Variants in BICD2 observed in about 807,000 individuals in gnomAD.
BICD2 encodes BICD cargo adaptor 2.
Under a neutral mutation model 72.9 loss-of-function variants are expected in BICD2, and 25 were observed. That is an observed-to-expected ratio of 0.34 (90% confidence interval 0.25 to 0.48). The LOEUF is 0.48. BICD2 is among the 20% of genes least tolerant of loss of function. The pLI is 0.99. For missense variants in BICD2, 894 were observed against 1,175.2 expected (o/e 0.76, Z 3.50); for synonymous variants, 501 against 516.1 (o/e 0.97, Z 0.40).
intron 1 of BICD2, among the ~76,000 whole-genome samples, chr9:92,735,429 C>A (rs752150084): frequency 1.8e-4 from 27 of 151,884 alleles, no homozygotes; most frequent in Non-Finnish European, 2.8e-4. Flanking sequence ...ATTTCAAAAA[C>A]CACATGGGGT....
Position 92,720,038 on chromosome 9 carries a change from T to C in BICD2, c.1062+262A>G, listed in dbSNP as rs1853427123. Among the ~76,000 whole-genome samples the C allele has an allele frequency of 6.6e-6, 1 of 152,206 alleles. No homozygotes were observed. Among genetic ancestry groups the C allele is most frequent in the African/African-American group, 2.4e-5 (1 of 41,462 alleles). On this transcript the variant is annotated intron_variant, in intron 4 of 6. Coordinates refer to ENST00000356884, the MANE Select transcript of BICD2 (RefSeq NM_001003800.2). This position sits in a 1 kb window ranked among gnomAD's most constrained non-coding sequence, Gnocchi z 5.4. ...CTGGCCTGCGTGCAGGGATCACATGTGGGCCAGTGTCTCATCACTTCACCC... is the reference window on the plus strand; with the variant it reads ...CTGGCCTGCGTGCAGGGATCACATGCGGGCCAGTGTCTCATCACTTCACCC...
intron 1 of BICD2, among the ~76,000 whole-genome samples, chr9:92,743,306 C>T (rs191312445): frequency 3.8e-4 from 57 of 151,924 alleles, no homozygotes; most frequent in African/African-American, 1.3e-3. Flanking sequence ...AATCCTCCTG[C>T]CTCAGCCTCC....
At chr9:92,717,465 C>A (rs1853341178) in intron 6 of BICD2, among the ~76,000 whole-genome samples, 1 of 152,248 alleles carries the variant, frequency 6.6e-6, no homozygotes, top group South Asian at 2.1e-4. Flanking sequence ...CACATGTGGG[C>A]ACCTGCCAGG....
At chr9:92,747,980 C>G (rs1165150326) in intron 1 of BICD2, among the ~76,000 whole-genome samples, 1 of 152,180 alleles carries the variant, frequency 6.6e-6, no homozygotes, top group African/African-American at 2.4e-5. Flanking sequence ...GCTGAGAGTG[C>G]AGAATATGAA....
At position 92,764,419 on chromosome 9, in the gene BICD2, C is replaced by G; in HGVS notation, c.240+86G>C. 1 of 1,368,306 alleles carries G rather than the reference C, an allele frequency of 7.3e-7. No individual in the cohort carries two copies. Among genetic ancestry groups the G allele is most frequent in the Non-Finnish European group, 9.4e-7 (1 of 1,064,162 alleles). The allele number at this position is 1,368,306 out of a possible 1,614,324, so 84.8% of individuals were successfully genotyped here. The stretch of plus-strand genomic sequence containing the variant: ...CCCCTGCCGGCCCCCGCTTGGCAAG[C>G]TGACCTTGGCCGCCCTGGTGCCAGG... On this transcript the variant is annotated intron_variant, in intron 1 of 6. Coordinates refer to ENST00000356884, the MANE Select transcript of BICD2 (RefSeq NM_001003800.2). The surrounding 1 kb of genome is among the most constrained non-coding windows in gnomAD (Gnocchi z 5.5).
rs931037835 is a variant in BICD2, at chr9:92,712,527, G to A, written c.*2627C>T. ...GAATTTTCTAAGTGTACCACAATTT[G>A]GCACAACAACCAGAGTAACAAAACA... On this transcript the variant is annotated 3_prime_UTR_variant, in exon 7 of 7. Transcript: ENST00000356884. 4 of 152,482 alleles carry A rather than the reference G, an allele frequency of 2.6e-5. No homozygotes were observed. The highest frequency in any genetic ancestry group is 9.7e-5 in the African/African-American group (4 of 41,416). The allele number at this position is 152,482 out of a possible 1,614,324, so 9.4% of individuals were successfully genotyped here.
At chr9:92,763,216 C>T (rs1020991417) in intron 1 of BICD2, among the ~76,000 whole-genome samples, 1 of 152,180 alleles carries the variant, frequency 6.6e-6, no homozygotes, top group Non-Finnish European at 1.5e-5. Flanking sequence ...TGGATTCATT[C>T]TCTGCTCTCC....
intron 5 of BICD2, 38 bp from the exon 6 acceptor site, chr9:92,717,986 G>A (rs796639407): frequency 5.0e-6 from 8 of 1,601,682 alleles, no homozygotes; most frequent in East Asian, 4.5e-5. Flanking sequence ...AGTGAAAGGC[G>A]TGAAGTCAGC....
chr9:92,758,006 C>T (rs1347352169), intron 1 of BICD2, among the ~76,000 whole-genome samples: 2 of 151,530 alleles, frequency 1.3e-5, no homozygotes, highest in East Asian at 3.9e-4. Flanking sequence ...CAGTTTGAGA[C>T]CAGTCTGACC....
At chr9:92,719,882 C>G (rs184779082) in intron 4 of BICD2, among the ~76,000 whole-genome samples, 2 of 152,346 alleles carry the variant, frequency 1.3e-5, no homozygotes, top group Admixed American at 1.3e-4. Context: ...TCTAGGCTGG[C>G]TGGGTGTGTA....
chr9:92,718,821 C>A lies in BICD2; in HGVS notation c.1824G>T (p.Ser608=). Residue 608 remains serine, a synonymous_variant, in exon 5 of 7, where the codon TCG becomes TCT. Transcript: ENST00000356884. ...ADGGTGDSSP[S]PGSSLPSPLS... ...GGGGTGATGGCAGTGAGGAGCCAGG[C>A]GAGGGGCTGCTGTCCCCCGTCCCAC... 6.2e-7 allele frequency: 1 copy of A among 1,612,244 alleles called. No homozygotes were observed. Among genetic ancestry groups the A allele is most frequent in the African/African-American group, 1.3e-5 (1 of 75,016 alleles).
chr9:92,735,234 G>C (rs934844401), intron 1 of BICD2, among the ~76,000 whole-genome samples: 1 of 152,196 alleles, frequency 6.6e-6, no homozygotes, highest in African/African-American at 2.4e-5. Flanking sequence ...CCACACCCAT[G>C]TGACTATAGC....
Position 92,714,997 on chromosome 9 carries a change from A to G in BICD2, c.*157T>C. 1.4e-6 allele frequency: 2 copies of G among 1,416,022 alleles called. No homozygotes were observed. The highest frequency in any genetic ancestry group is 1.8e-6 in the Non-Finnish European group (2 of 1,086,532). 87.7% of individuals were successfully genotyped at this position (1,416,022 alleles called of 1,614,324 possible). On this transcript the variant is annotated 3_prime_UTR_variant, in exon 7 of 7. Coordinates refer to ENST00000356884, the MANE Select transcript of BICD2 (RefSeq NM_001003800.2). ...TGAGAAGCGACACAAAGCTCTCACA[A>G]GTGTCCTGCTGATGCAACGCCCCAT...
In BICD2 at chr9:92,764,750, C is replaced by G; in HGVS notation, c.-6G>C. 6.4e-7 allele frequency: 1 copy of G among 1,556,176 alleles called. No individual in the cohort carries two copies. The highest frequency in any genetic ancestry group is 8.6e-7 in the Non-Finnish European group (1 of 1,160,590). On this transcript the variant is annotated 5_prime_UTR_variant, in exon 1 of 7. Coordinates refer to ENST00000356884, the MANE Select transcript of BICD2 (RefSeq NM_001003800.2). The surrounding 1 kb of genome is among the most constrained non-coding windows in gnomAD (Gnocchi z 5.5). ...TCCTCCGACGGCGCCGACATGGTGG[C>G]CGAGGGCTGAGCCGGCTCCCACTGA...
At chr9:92,752,248 T>C (rs1048880829) in intron 1 of BICD2, among the ~76,000 whole-genome samples, 8 of 152,088 alleles carry the variant, frequency 5.3e-5, no homozygotes, top group Admixed American at 1.3e-4. Context: ...CCAGGGCTTC[T>C]TGGGGTAAAT....
intron 1 of BICD2, among the ~76,000 whole-genome samples, chr9:92,745,458 T>C (rs1465782855): frequency 6.6e-6 from 1 of 151,998 alleles, no homozygotes; most frequent in Admixed American, 6.6e-5. Flanking sequence ...GGGGGTCCCC[T>C]GTCCTGAGGC....
chr9:92,742,578 G>T (rs918381946), intron 1 of BICD2, among the ~76,000 whole-genome samples: 8 of 151,930 alleles, frequency 5.3e-5, no homozygotes, highest in Non-Finnish European at 1.0e-4. Flanking sequence ...TAGAGATGGG[G>T]TTTCACCATG....
At chr9:92,763,368 G>C (rs946451333) in intron 1 of BICD2, among the ~76,000 whole-genome samples, 1 of 152,160 alleles carries the variant, frequency 6.6e-6, no homozygotes, top group Non-Finnish European at 1.5e-5. Flanking sequence ...ACACTCAAGT[G>C]GGGGAAGGGA....
At chr9:92,736,657 G>A (rs1011961157) in intron 1 of BICD2, among the ~76,000 whole-genome samples, 2 of 152,088 alleles carry the variant, frequency 1.3e-5, no homozygotes, top group African/African-American at 2.4e-5. Context: ...CTATGGACTC[G>A]CCTTGAATTC....
Sources: gnomAD v4.1 joint callset for allele counts (sites outside exome capture counted in the v4.1 genomes callset) on GRCh38, gnomAD v4.1.1 for gene constraint, Gnocchi (gnomAD v3.1) non-coding constraint, MANE v1.5 for transcripts, NCBI Gene and HGNC (gene_info 2026-07-23, HGNC 2026-07-21) for gene names.